Variants in ABITRAM observed in about 807,000 individuals in gnomAD.
The protein encoded by ABITRAM is protein Abitram.
ABITRAM carries 19 observed loss-of-function variants against 22.9 expected under a neutral mutation model. The observed-to-expected ratio is 0.83, with a 90% CI of 0.58 to 1.22. ABITRAM has a LOEUF of 1.22. ABITRAM is among the 50% of genes most tolerant of loss of function. ABITRAM has a pLI of 0.00. For synonymous variants in ABITRAM, 70 were observed against 73.9 expected, an observed-to-expected ratio of 0.95 and a Z score of 0.27; for missense variants, 215 against 220.2, an observed-to-expected ratio of 0.98 and a Z score of 0.15.
At chr9:108,942,841 A>G, downstream of ABITRAM, 3 of 1,613,742 alleles carry the variant, frequency 1.9e-6, no homozygotes, top group South Asian at 2.2e-5. Context: ...GAAGCTGGAA[A>G]GAGTTAAGAC....
downstream of ABITRAM, chr9:108,941,097 G>C (rs965761716): frequency 3.3e-5 from 5 of 152,066 alleles, no homozygotes; most frequent in Admixed American, 1.3e-4. Flanking sequence ...ATTATCTAAT[G>C]AAAGTACAAG....
downstream of ABITRAM, among the ~76,000 whole-genome samples, chr9:108,942,202 G>A (rs1830265139): frequency 6.6e-6 from 1 of 152,192 alleles, no homozygotes; most frequent in South Asian, 2.1e-4. Context: ...GAGTAGGTGA[G>A]GGACATACAC....
In ABITRAM at chr9:108,946,904, C is replaced by T. The variant is rs114327325; in HGVS notation, c.262-3603C>T. Among the ~76,000 whole-genome samples, 411 of 151,982 alleles carry T rather than the reference C, an allele frequency of 2.7e-3. 3 individuals carry two copies. The highest frequency in any genetic ancestry group is 9.4e-3 in the African/African-American group (388 of 41,444). ...CTACAGGGCGGTATGACAGAATGGA[C>T]TTGGGCCAAACTGAAAAAAAAAATA... On this transcript the variant is annotated intron_variant, in intron 3 of 3. Coordinates refer to the ABITRAM transcript ENST00000374624.
chr9:108,944,075 G>T, downstream of ABITRAM: 1 of 1,429,214 alleles, frequency 7.0e-7, no homozygotes, highest in South Asian at 1.2e-5. Context: ...TAGTTGGTAA[G>T]AAATATACTT....
intron 2 of ABITRAM, 134 bp from the exon 3 acceptor site, chr9:108,936,174 T>C (rs1830184332): frequency 1.1e-6 from 1 of 907,254 alleles, no homozygotes; most frequent in African/African-American, 1.7e-5. Context: ...GCCCCAATAG[T>C]AGCCAAAGGA....
intron 3 of ABITRAM, among the ~76,000 whole-genome samples, chr9:108,937,996 C>CA (rs56229176): frequency 0.094 from 6,504 of 69,340 alleles, 667 homozygotes; most frequent in African/African-American, 0.29. Context: ...GACCCTGTCT[C>CA]AAAAAAAAAA....
chr9:108,939,219 T>G lies in ABITRAM; in HGVS notation c.285T>G (p.Leu95=). The G allele has an allele frequency of 6.2e-7, 1 of 1,613,852 alleles. No homozygotes were observed. Among genetic ancestry groups the G allele is most frequent in the Non-Finnish European group, 8.5e-7 (1 of 1,179,898 alleles). ...FKRGAQFLTE[L]APLCKIYCSD... is the part of the protein sequence containing the mutation. ...AGGGGGCACAGTTTCTAACAGAGCT[T>G]GCACCTCTCTGTAAGATTTACTGCT... Residue 95 remains leucine (L), a synonymous_variant, in exon 4 of 6, where the codon CTT becomes CTG. Transcript: ENST00000322940.
chr9:108,935,263 G>A (rs1482876986), intron 1 of ABITRAM, among the ~76,000 whole-genome samples: 1 of 152,158 alleles, frequency 6.6e-6, no homozygotes, highest in Non-Finnish European at 1.5e-5. Flanking sequence ...TTCCCAGAAT[G>A]TCGGACTTGC....
intron 1 of ABITRAM, among the ~76,000 whole-genome samples, chr9:108,935,287 C>T (rs1356947606): frequency 6.6e-6 from 1 of 152,160 alleles, no homozygotes; most frequent in Non-Finnish European, 1.5e-5. Flanking sequence ...AACATCAGGA[C>T]AGTCCTGGAA....
rs182388661 is a variant in ABITRAM at position 108,949,928 on chromosome 9, G to C, written c.262-579G>C. On this transcript the variant is annotated intron_variant, in intron 3 of 3. Coordinates refer to the ABITRAM transcript ENST00000374624. ...AATCCCAGCTACTCGGGAGGCTAAGGCATGAGAATTGCTTGAACTCAGGAG... is the reference window on the plus strand; with the variant it reads ...AATCCCAGCTACTCGGGAGGCTAAGCCATGAGAATTGCTTGAACTCAGGAG... Among the ~76,000 whole-genome samples, 24 of 151,352 alleles carry C rather than the reference G, an allele frequency of 1.6e-4. No individual in the cohort carries two copies. In the East Asian group the frequency reaches 4.3e-3, roughly 27 times the overall value.
rs1830227683 is a variant in ABITRAM at position 108,939,263 on chromosome 9, CTG to C, written c.333_334del (p.Ser112Ter). ...TACTGCTCAGATGGTGAAGAATATA[CTG>C]TGTCTAGGTGAGTAACTTTTTAGCC... On this transcript the variant is annotated frameshift_variant, in exon 4 of 6. Transcript: ENST00000322940. LOFTEE classifies it high-confidence loss of function. The C allele has an allele frequency of 1.2e-6, 2 of 1,613,862 alleles. No individual in the cohort carries two copies. The highest frequency in any genetic ancestry group is 1.7e-6 in the Non-Finnish European group (2 of 1,179,878).
intron 3 of ABITRAM, among the ~76,000 whole-genome samples, chr9:108,949,981 G>T (rs1056249548): frequency 4.4e-5 from 6 of 137,796 alleles, no homozygotes; most frequent in African/African-American, 1.7e-4. Flanking sequence ...CCGAGATCAT[G>T]CCACTGCACT....
rs1440920312 is a variant in ABITRAM, at chr9:108,940,916, A to G, written c.*1230A>G. Reference sequence around the variant, plus strand: ...TGTAAGGGCTATAACATACATGTCAATATCACTGTTTTTAAATAAAATATA... The same window carrying G: ...TGTAAGGGCTATAACATACATGTCAGTATCACTGTTTTTAAATAAAATATA... On this transcript the variant is annotated 3_prime_UTR_variant, in exon 6 of 6. Coordinates refer to ENST00000322940, the MANE Select transcript of ABITRAM (RefSeq NM_017832.4). 2 of 152,198 alleles carry G rather than the reference A, an allele frequency of 1.3e-5. No individual in the cohort carries two copies. Among genetic ancestry groups the G allele is most frequent in the East Asian group, 1.9e-4 (1 of 5,200 alleles). The allele number at this position is 152,198 out of a possible 1,614,324, so 9.4% of individuals were successfully genotyped here. A position where few individuals can be genotyped will look rare whatever the true frequency, so the allele number is the denominator to read the frequency against.
At chr9:108,944,415 A>G (rs1023762967), downstream of ABITRAM, among the ~76,000 whole-genome samples, 2 of 148,740 alleles carry the variant, frequency 1.3e-5, 1 homozygote, top group South Asian at 4.2e-4. Context: ...GGACCTTCCC[A>G]ATTCCATCTA....
rs1161368260 is a variant in ABITRAM at position 108,939,186 on chromosome 9, C to T, written c.262-10C>T. ...CATCAACTGATTACTTCTTCCGTCT[C>T]ATTACACAGGGGGCACAGTTTCTAA... On this transcript the variant is annotated splice_polypyrimidine_tract_variant and intron_variant, in intron 3 of 5. Coordinates refer to ENST00000322940, the MANE Select transcript of ABITRAM (RefSeq NM_017832.4). The T allele has an allele frequency of 1.1e-5, 17 of 1,611,898 alleles. No individual in the cohort carries two copies. Among genetic ancestry groups the T allele is most frequent in the Non-Finnish European group, 1.4e-5 (17 of 1,179,134 alleles).
At chr9:108,946,230 C>T (rs1412350925) in intron 3 of ABITRAM, among the ~76,000 whole-genome samples, 6 of 148,270 alleles carry the variant, frequency 4.0e-5, no homozygotes, top group South Asian at 2.1e-4. Flanking sequence ...ACCCGGGAGG[C>T]GGAGGCTGTA....
intron 3 of ABITRAM, among the ~76,000 whole-genome samples, chr9:108,949,914 C>T (rs777013059): frequency 6.6e-6 from 1 of 151,104 alleles, no homozygotes; most frequent in Non-Finnish European, 1.5e-5. Context: ...ATCCCAGCTA[C>T]TCGGGAGGCT....
chr9:108,938,105 AT>A (rs766256827), intron 3 of ABITRAM, among the ~76,000 whole-genome samples: 87 of 152,308 alleles, frequency 5.7e-4, no homozygotes, highest in South Asian at 1.4e-3. Context: ...AGAACTGCCA[AT>A]CATTCTCCCA....
chr9:108,934,506 C>T lies in ABITRAM; in HGVS notation c.20C>T (p.Ala7Val). 6.2e-7 allele frequency: 1 copy of T among 1,605,122 alleles called. No homozygotes were observed. The highest frequency in any genetic ancestry group is 1.1e-5 in the South Asian group (1 of 89,894). Residue 7 changes from alanine (A) to valine (V), a missense_variant, in exon 1 of 6, where the codon GCC (alanine) becomes GTC (valine). Physicochemically the swap from Ala to Val is moderately conservative, Grantham distance 64. Coordinates refer to ENST00000322940, the MANE Select transcript of ABITRAM (RefSeq NM_017832.4). ...GTCGCCATGGCTACCGAGCCCGAAG[C>T]CGCGGAGCCGGTGGTGCCTTCGCTC... The part of the protein sequence containing the change: MATEPE[A>V]AEPVVPSLVD...
Sources: allele counts gnomAD v4.1 joint callset (sites outside exome capture counted in the v4.1 genomes callset), GRCh38; gene constraint gnomAD v4.1.1; transcripts MANE v1.5; gene names NCBI Gene and HGNC (gene_info 2026-07-23, HGNC 2026-07-21).